OR2A42: variants seen among roughly 807,000 people sequenced by gnomAD.
OR2A42 encodes the protein olfactory receptor 2A1/2A42.
For synonymous variants in OR2A42, 5 were observed against 46.4 expected (o/e 0.11, Z 3.63); for missense variants, 3 against 104.1 (o/e 0.03, Z 4.23).
intron 2 of OR2A42, among the ~76,000 whole-genome samples, chr7:144,235,084 G>A (rs1276853531): frequency 6.8e-6 from 1 of 146,892 alleles, no homozygotes; most frequent in African/African-American, 2.6e-5. Flanking sequence ...AAGTAGCTGG[G>A]ATTACAGGTG....
Position 144,229,761 on chromosome 7 carries a change from A to T in OR2A42, c.*2150T>A, listed in dbSNP as rs1442355735. On this transcript the variant is annotated 3_prime_UTR_variant, in exon 3 of 3. Transcript: ENST00000641810. ...TTGTATATCCAGTTTGGGTAATTTTAAAAAATTTAATAAATTATTTCATTG... is the reference window on the plus strand; with the variant it reads ...TTGTATATCCAGTTTGGGTAATTTTTAAAAATTTAATAAATTATTTCATTG... 4 of 150,510 alleles carry T rather than the reference A, an allele frequency of 2.7e-5. No homozygotes were observed. Among genetic ancestry groups the T allele is most frequent in the African/African-American group, 7.3e-5 (3 of 41,168 alleles). 9.3% of individuals were successfully genotyped at this position (150,510 alleles called of 1,614,324 possible).
At position 144,238,651 on chromosome 7, in the gene OR2A42, A is replaced by G. The variant is rs2052462040; in HGVS notation, c.-224T>C. On this transcript the variant is annotated 5_prime_UTR_variant, in exon 2 of 3. Coordinates refer to ENST00000641810, the MANE Select transcript of OR2A42 (RefSeq NM_001001802.3). Reference sequence around the variant, plus strand: ...TGAAAATGTATCAGAATCCTCAGAAAAGGAGGTGTTATTCTCTGATGTGCT... The same window carrying G: ...TGAAAATGTATCAGAATCCTCAGAAGAGGAGGTGTTATTCTCTGATGTGCT... The G allele has an allele frequency of 6.6e-6, 1 of 150,744 alleles. No homozygotes were observed. The highest frequency in any genetic ancestry group is 6.6e-5 in the Admixed American group (1 of 15,196). The allele number at this position is 150,744 out of a possible 1,614,324, so 9.3% of individuals were successfully genotyped here. A position where few individuals can be genotyped will look rare whatever the true frequency, so the allele number is the denominator to read the frequency against.
At position 144,230,149 on chromosome 7, in the gene OR2A42, GTT is replaced by G. The variant is rs1166897470; in HGVS notation, c.*1760_*1761del. The G allele has an allele frequency of 1.5e-5, 2 of 133,854 alleles. No individual in the cohort carries two copies. Among genetic ancestry groups the G allele is most frequent in the African/African-American group, 5.7e-5 (2 of 35,086 alleles). The allele number at this position is 133,854 out of a possible 1,614,324, so 8.3% of individuals were successfully genotyped here. On this transcript the variant is annotated 3_prime_UTR_variant, in exon 3 of 3. Transcript: ENST00000641810. Reference sequence around the variant, plus strand: ...AAAAAAAGCTGTTTTTTGTTTGTTTGTTTGTTTGTTTGTTTGTTTTTCCCCCA... The same window carrying G: ...AAAAAAAGCTGTTTTTTGTTTGTTTGTGTTTGTTTGTTTGTTTTTCCCCCA...
chr7:144,237,710 GACTA>G (rs1398719260), intron 2 of OR2A42, among the ~76,000 whole-genome samples: 1 of 150,274 alleles, frequency 6.7e-6, no homozygotes, highest in South Asian at 2.1e-4. Flanking sequence ...ATTATTTATT[GACTA>G]ACTAGATATC....
rs2052461032 is a variant in OR2A42 at position 144,238,547 on chromosome 7, G to A, written c.-120C>T. ...GGTTAGCTCCCACATTTGGACTCAA[G>A]GATCTCAGAAGAGTGAAGCACCTGA... is the stretch of plus-strand genomic sequence containing the variant. On this transcript the variant is annotated 5_prime_UTR_variant, in exon 2 of 3. Transcript: ENST00000641810. 1 of 150,274 alleles carries A rather than the reference G, an allele frequency of 6.7e-6. No homozygotes were observed. The highest frequency in any genetic ancestry group is 2.5e-5 in the African/African-American group (1 of 40,698). 9.3% of individuals were successfully genotyped at this position (150,274 alleles called of 1,614,324 possible).
intron 2 of OR2A42, among the ~76,000 whole-genome samples, chr7:144,237,507 T>G (rs1233996179): frequency 6.7e-6 from 1 of 149,640 alleles, no homozygotes; most frequent in Non-Finnish European, 1.5e-5. Flanking sequence ...AGGCAAGATT[T>G]AAGCAAGCCA....
chr7:144,235,642 C>G (rs1349937203), intron 2 of OR2A42, among the ~76,000 whole-genome samples: 4 of 152,204 alleles, frequency 2.6e-5, no homozygotes, highest in African/African-American at 7.2e-5. Context: ...GGAATGTCTA[C>G]TATAATCTGA....
intron 2 of OR2A42, among the ~76,000 whole-genome samples, chr7:144,235,093 T>C (rs1302962500): frequency 6.8e-6 from 1 of 146,858 alleles, no homozygotes; most frequent in East Asian, 1.9e-4. Flanking sequence ...GGATTACAGG[T>C]GCATGCCACC....
rs1332097144 is a variant in OR2A42 at position 144,230,348 on chromosome 7, C to T, written c.*1563G>A. The T allele has an allele frequency of 8.3e-6, 1 of 119,832 alleles. No homozygotes were observed. Among genetic ancestry groups the T allele is most frequent in the Non-Finnish European group, 1.7e-5 (1 of 57,222 alleles). The allele number at this position is 119,832 out of a possible 1,614,324, so 7.4% of individuals were successfully genotyped here. A position where few individuals can be genotyped will look rare whatever the true frequency, so the allele number is the denominator to read the frequency against. ...CATATTGCCTAAGTTTGATTCTGGA[C>T]TAGGTACTTATTAGCTGGGAGCATT... On this transcript the variant is annotated 3_prime_UTR_variant, in exon 3 of 3. Transcript: ENST00000641810.
In OR2A42 at chr7:144,228,549, TATC is replaced by T; in HGVS notation, c.*3359_*3361del. 8.2e-6 allele frequency: 1 copy of T among 122,476 alleles called. No homozygotes were observed. Among genetic ancestry groups the T allele is most frequent in the Middle Eastern group, 3.6e-3 (1 of 274 alleles). The allele number at this position is 122,476 out of a possible 1,614,324, so 7.6% of individuals were successfully genotyped here. A position where few individuals can be genotyped will look rare whatever the true frequency, so the allele number is the denominator to read the frequency against. ...AACCACATAGTAAGTGCTCAATAAT[TATC>T]AGCTACAATTAAATTTCTACTGTAG... is the stretch of plus-strand genomic sequence containing the variant. On this transcript the variant is annotated 3_prime_UTR_variant, in exon 3 of 3. Transcript: ENST00000641810.
chr7:144,232,690 AG>A lies in OR2A42; in HGVS notation c.153del (p.Ser52ProfsTer46). ...AAGTACATGGGGGTGTGGAGTCTGG[AG>A]TCCAGTGAGATGAGCCCCAGGATGG... ...NGAILGLISL[D>X]SRLHTPMYFF... On this transcript the variant is annotated frameshift_variant, in exon 3 of 3. Transcript: ENST00000641810. LOFTEE classifies it low-confidence loss of function (END_TRUNC). The A allele has an allele frequency of 1.3e-6, 1 of 752,238 alleles. No individual in the cohort carries two copies. The highest frequency in any genetic ancestry group is 1.5e-5 in the South Asian group (1 of 67,780). The allele number at this position is 752,238 out of a possible 1,614,324, so 46.6% of individuals were successfully genotyped here.
intron 2 of OR2A42, among the ~76,000 whole-genome samples, chr7:144,235,993 GT>G (rs2052424269): frequency 6.6e-6 from 1 of 152,116 alleles, no homozygotes; most frequent in Non-Finnish European, 1.5e-5. Context: ...ACAAATTTGT[GT>G]TGGGCCACAT....
chr7:144,233,317 G>C, intron 2 of OR2A42, among the ~76,000 whole-genome samples: 1 of 132,230 alleles, frequency 7.6e-6, no homozygotes, highest in East Asian at 2.0e-4. Context: ...AATAACAGAA[G>C]AAGTAGAAAG....
chr7:144,238,784 C>T (rs577790311), intron 1 of OR2A42, 41 bp from the exon 2 acceptor site: 1 of 150,738 alleles, frequency 6.6e-6, no homozygotes, highest in Admixed American at 6.6e-5. Flanking sequence ...TTTTCTATTT[C>T]TGTTCTTAAC....
rs1263022739 is a variant in OR2A42, at chr7:144,238,409, TAGAG to T, written c.-5+19_-5+22del. 1 of 147,540 alleles carries T rather than the reference TAGAG, an allele frequency of 6.8e-6. No individual in the cohort carries two copies. The highest frequency in any genetic ancestry group is 2.5e-5 in the African/African-American group (1 of 39,900). 9.1% of individuals were successfully genotyped at this position (147,540 alleles called of 1,614,324 possible). A position where few individuals can be genotyped will look rare whatever the true frequency, so the allele number is the denominator to read the frequency against. On this transcript the variant is annotated intron_variant, in intron 2 of 2. Transcript: ENST00000641810. ...TGCAGAAAGATAATCAGCACATAATTAGAGAGGAGTGAATTTCCTTACCAATGTT... is the reference window on the plus strand; with the variant it reads ...TGCAGAAAGATAATCAGCACATAATTAGGAGTGAATTTCCTTACCAATGTT...
At chr7:144,237,571 CA>C (rs201765296) in intron 2 of OR2A42, among the ~76,000 whole-genome samples, 10 of 147,228 alleles carry the variant, frequency 6.8e-5, no homozygotes, top group Non-Finnish European at 1.1e-4. Flanking sequence ...CAAACAACAA[CA>C]AAAAAAAAAC....
chr7:144,238,804 A>G (rs2052464496), intron 1 of OR2A42, 61 bp from the exon 2 acceptor site: 1 of 150,310 alleles, frequency 6.7e-6, no homozygotes, highest in African/African-American at 2.5e-5. Context: ...CCCCAGCAGG[A>G]TGCACAATTA....
Position 144,230,147 on chromosome 7 carries a change from TTG to T in OR2A42, c.*1762_*1763del, listed in dbSNP as rs2052354066. The T allele has an allele frequency of 2.3e-5, 3 of 132,386 alleles. No homozygotes were observed. Among genetic ancestry groups the T allele is most frequent in the East Asian group, 2.0e-4 (1 of 5,022 alleles). 8.2% of individuals were successfully genotyped at this position (132,386 alleles called of 1,614,324 possible). On this transcript the variant is annotated 3_prime_UTR_variant, in exon 3 of 3. Coordinates refer to ENST00000641810, the MANE Select transcript of OR2A42 (RefSeq NM_001001802.3). ...ATAAAAAAAGCTGTTTTTTGTTTGTTTGTTTGTTTGTTTGTTTGTTTTTCCCC... is the reference window on the plus strand; with the variant it reads ...ATAAAAAAAGCTGTTTTTTGTTTGTTTTTGTTTGTTTGTTTGTTTTTCCCC...
intron 2 of OR2A42, among the ~76,000 whole-genome samples, chr7:144,234,831 G>T (rs2052404407): frequency 2.8e-5 from 3 of 108,214 alleles, no homozygotes; most frequent in Non-Finnish European, 1.8e-5. Context: ...TTTTTTTCAG[G>T]ATTCTATTAA....
Sources: allele counts gnomAD v4.1 joint callset (sites outside exome capture counted in the v4.1 genomes callset), GRCh38; gene constraint gnomAD v4.1.1; transcripts MANE v1.5; gene names NCBI Gene and HGNC (gene_info 2026-07-23, HGNC 2026-07-21).